Variants in NHSL2 observed in about 807,000 individuals in gnomAD.
NHSL2 encodes the protein NHS-like protein 2.
NHSL2 carries 27 observed loss-of-function variants against 53.4 expected under a neutral mutation model. The ratio of observed to expected loss-of-function variants is 0.51; its 90% CI spans 0.37 to 0.70. The LOEUF (loss-of-function observed/expected upper bound fraction) is 0.70. Among genes scored for constraint, NHSL2 ranks in the 30% least tolerant of loss-of-function variants. The pLI is 0.00. For synonymous variants in NHSL2, 408 were observed against 404.1 expected (o/e 1.01, Z -0.12); for missense variants, 892 against 980.1 (o/e 0.91, Z 1.20).
intron 1 of NHSL2, among the ~76,000 whole-genome samples, chrX:71,957,682 G>T (rs1480961393): frequency 9.0e-6 from 1 of 110,638 alleles, no homozygotes; most frequent in Non-Finnish European, 1.9e-5. Context: ...GCCTCCATGG[G>T]GAATTTGTGG....
intron 1 of NHSL2, among the ~76,000 whole-genome samples, chrX:71,955,688 T>C (rs1038028690): frequency 1.8e-5 from 2 of 109,947 alleles, no homozygotes; most frequent in Non-Finnish European, 3.8e-5. Flanking sequence ...TCCATGTATG[T>C]CTCCTCTGGG....
At chrX:72,033,371 G>A (rs531150896) in intron 1 of NHSL2, among the ~76,000 whole-genome samples, 25 of 110,540 alleles carry the variant, frequency 2.3e-4, no homozygotes, top group African/African-American at 7.9e-4. Context: ...ATTTTTAGTA[G>A]AGATGGGGTT....
intron 1 of NHSL2, among the ~76,000 whole-genome samples, chrX:71,980,560 GGTGTGTGGGGTGTGTGT>G (rs200537665): frequency 0.12 from 11,522 of 99,365 alleles, 808 homozygotes; most frequent in African/African-American, 0.26. Flanking sequence ...GTGTGTGTGG[GGTGTGTGGGGTGTGTGT>G]GTGTGTGTGT....
intron 1 of NHSL2, among the ~76,000 whole-genome samples, chrX:71,951,841 A>G (rs985387079): frequency 8.9e-6 from 1 of 111,954 alleles, no homozygotes; most frequent in Non-Finnish European, 1.9e-5. Context: ...TGGCTTCTCT[A>G]TACTCTCTGC....
Position 72,139,602 on chromosome X carries a change from C to T in NHSL2, c.2054C>T (p.Thr685Ile). 1 of 1,211,088 alleles carries T rather than the reference C, an allele frequency of 8.3e-7. No individual in the cohort carries two copies. Among genetic ancestry groups the T allele is most frequent in the East Asian group, 3.0e-5 (1 of 33,834 alleles). The part of the protein sequence containing the change: ...SLASPSTSRA[T>I]TPSQLSIEVE... ...GCCTCACCTTCCACCTCCAGAGCCA[C>T]TACACCTTCCCAACTCTCCATTGAA... Residue 685 changes from threonine (T) to isoleucine (I), a missense_variant, in exon 6 of 8, where the codon ACT becomes ATT. Coordinates refer to ENST00000633930, the MANE Select transcript of NHSL2 (RefSeq NM_001013627.3).
At chrX:72,010,871 T>G (rs749825750) in intron 1 of NHSL2, among the ~76,000 whole-genome samples, 2 of 111,863 alleles carry the variant, frequency 1.8e-5, no homozygotes, top group Non-Finnish European at 3.8e-5. Context: ...ACAGAATATT[T>G]CCATCACCAC....
chrX:72,004,360 C>T (rs1018076577), intron 1 of NHSL2, among the ~76,000 whole-genome samples: 1 of 112,154 alleles, frequency 8.9e-6, no homozygotes, highest in Non-Finnish European at 1.9e-5. Flanking sequence ...TCCACAGGCA[C>T]ACCCACACCG....
chrX:72,143,942 G>A lies in NHSL2; in HGVS notation c.*368G>A, dbSNP rs762465200. 3.2e-4 allele frequency: 43 copies of A among 135,863 alleles called. No individual in the cohort carries two copies. Among genetic ancestry groups the A allele is most frequent in the Non-Finnish European group, 5.5e-4 (38 of 69,005 alleles). The allele number at this position is 135,863 out of a possible 1,213,427, so 11.2% of individuals were successfully genotyped here. On this transcript the variant is annotated 3_prime_UTR_variant, in exon 8 of 8. Coordinates refer to ENST00000633930, the MANE Select transcript of NHSL2 (RefSeq NM_001013627.3). ...CTGGCTCCTGTCACTGAGGAGTGCAGTGTGAGAGCAGATTGGAGGCTGCCA... is the reference window on the plus strand; with the variant it reads ...CTGGCTCCTGTCACTGAGGAGTGCAATGTGAGAGCAGATTGGAGGCTGCCA...
intron 1 of NHSL2, among the ~76,000 whole-genome samples, chrX:71,924,725 G>T (rs778503395): frequency 8.9e-6 from 1 of 112,485 alleles, no homozygotes; most frequent in African/African-American, 3.2e-5. Flanking sequence ...TTAGGTGGTT[G>T]TAGGCTAGTG....
At chrX:71,972,156 T>C (rs1194900572) in intron 1 of NHSL2, among the ~76,000 whole-genome samples, 3 of 110,532 alleles carry the variant, frequency 2.7e-5, no homozygotes, top group Non-Finnish European at 5.7e-5. Flanking sequence ...TGCCTCAGCC[T>C]CCCAAGTAGC....
chrX:72,064,337 G>C (rs778235784), intron 1 of NHSL2, among the ~76,000 whole-genome samples: 13 of 112,204 alleles, frequency 1.2e-4, no homozygotes, highest in Non-Finnish European at 2.1e-4. Flanking sequence ...AGCATGTGCA[G>C]GTTATGGCAG....
In NHSL2 at chrX:72,145,884, G is replaced by A. The variant is rs1383326191; in HGVS notation, c.*2310G>A. The A allele has an allele frequency of 1.9e-4, 21 of 112,168 alleles. No individual in the cohort carries two copies. In the Admixed American group the frequency reaches 1.9e-3, roughly 10 times the overall value. The allele number at this position is 112,168 out of a possible 1,213,427, so 9.2% of individuals were successfully genotyped here. On this transcript the variant is annotated 3_prime_UTR_variant, in exon 8 of 8. Coordinates refer to ENST00000633930, the MANE Select transcript of NHSL2 (RefSeq NM_001013627.3). ...AACCTGAATTCTCAGACACCTTGATGTTTGTCAGTTACCTTTAGTCTTGTT... is the reference window on the plus strand; with the variant it reads ...AACCTGAATTCTCAGACACCTTGATATTTGTCAGTTACCTTTAGTCTTGTT...
intron 1 of NHSL2, chrX:72,130,816 C>A: frequency 8.3e-7 from 1 of 1,211,425 alleles, no homozygotes; most frequent in Non-Finnish European, 1.1e-6. Flanking sequence ...CTTGAGCTTG[C>A]GAATGGCCTT....
rs199722621 is a variant in NHSL2 at position 72,140,378 on chromosome X, C to A, written c.2830C>A (p.Pro944Thr). The change falls in exon 6 of 8, where the codon CCC becomes ACC. Residue 944 changes from proline (P) to threonine (T), a missense_variant. Physicochemically the swap from Pro to Thr is conservative, Grantham distance 38. Transcript: ENST00000633930. The stretch of plus-strand genomic sequence containing the variant: ...CAGAAGCCCAGGGGAGTCAACAGCA[C>A]CCTCATCTCTTGTTTTCACGCCTTT... ...DGRSPGESTA[P>T]SSLVFTPFAS... 1.7e-5 allele frequency: 20 copies of A among 1,209,116 alleles called. No individual in the cohort carries two copies. Among genetic ancestry groups the A allele is most frequent in the Admixed American group, 2.2e-5 (1 of 45,711 alleles).
intron 1 of NHSL2, among the ~76,000 whole-genome samples, chrX:72,117,374 A>G (rs1158895539): frequency 9.5e-6 from 1 of 104,844 alleles, no homozygotes; most frequent in African/African-American, 3.5e-5. Context: ...ATGCTTGAGT[A>G]TGATATTGTG....
intron 1 of NHSL2, among the ~76,000 whole-genome samples, chrX:71,964,504 G>A (rs1395998064): frequency 9.0e-6 from 1 of 111,179 alleles, no homozygotes; most frequent in Non-Finnish European, 1.9e-5. Context: ...ACAGCCAGCT[G>A]TTAAACCCCA....
intron 2 of NHSL2, among the ~76,000 whole-genome samples, chrX:72,132,641 A>G (rs768954548): frequency 9.0e-6 from 1 of 111,058 alleles, no homozygotes; most frequent in South Asian, 3.9e-4. Flanking sequence ...AGGATCTCCC[A>G]CTCTGGGCTT....
At chrX:72,069,812 T>G in intron 1 of NHSL2, 1 of 670,332 alleles carries the variant, frequency 1.5e-6, no homozygotes, top group Non-Finnish European at 2.0e-6. Context: ...TCCCAGCTGC[T>G]GCCATGCGGG....
At position 72,131,355 on chromosome X, in the gene NHSL2, G is replaced by C. The variant is rs200101086; in HGVS notation, c.281-724G>C. 2.0e-4 allele frequency: 239 copies of C among 1,204,645 alleles called. No homozygotes were observed. The Middle Eastern group carries it at 2.8e-3, about 14-fold the overall frequency. The stretch of plus-strand genomic sequence containing the variant: ...ACTCCAAGTTCTCCTCCGCAAGGAC[G>C]GGCACTATGGGTACTGGCCAGCGGA... On this transcript the variant is annotated intron_variant, in intron 1 of 7. Transcript: ENST00000633930.
Sources: allele counts gnomAD v4.1 joint callset (sites outside exome capture counted in the v4.1 genomes callset), GRCh38; gene constraint gnomAD v4.1.1; transcripts MANE v1.5; gene names NCBI Gene and HGNC (gene_info 2026-07-23, HGNC 2026-07-21).